MCM3AP: variants seen among roughly 807,000 people sequenced by gnomAD.
MCM3AP encodes minichromosome maintenance complex component 3 associated protein.
Under a neutral mutation model 184.1 loss-of-function variants are expected in MCM3AP, and 126 were observed. The ratio of observed to expected loss-of-function variants is 0.68; its 90% CI spans 0.59 to 0.79. The LOEUF (loss-of-function observed/expected upper bound fraction) is 0.79, where lower values mean the gene tolerates loss of function less well. Among genes scored for constraint, MCM3AP ranks in the 30% least tolerant of loss-of-function variants. The pLI is 0.00. For synonymous variants in MCM3AP, 1,002 were observed against 979.3 expected (o/e 1.02, Z -0.43); for missense variants, 2,496 against 2,479.2 (o/e 1.01, Z -0.14).
rs1248061697 is a variant in MCM3AP at position 46,283,783 on chromosome 21, A to T, written c.1275T>A (p.Ser425Arg). ...RQSNRSESTD[S>R]LGGLSPSEVT... is the part of the protein sequence containing the mutation. ...CTTCAGAGGGAGACAAGCCCCCAAGACTGTCTGTGCTCTCGCTTCTGTTAC... is the reference window on the plus strand; with the variant it reads ...CTTCAGAGGGAGACAAGCCCCCAAGTCTGTCTGTGCTCTCGCTTCTGTTAC... The change falls in exon 2 of 28, where the codon AGT becomes AGA. Residue 425 changes from serine to arginine, a missense_variant. Around this residue, in one of 5 missense-constraint regions of MCM3AP, gnomAD observed 800 missense variants for 717.1 expected, o/e 1.12. Coordinates refer to ENST00000291688, the MANE Select transcript of MCM3AP (RefSeq NM_003906.5). The T allele has an allele frequency of 6.2e-7, 1 of 1,614,066 alleles. No homozygotes were observed. Among genetic ancestry groups the T allele is most frequent in the South Asian group, 1.1e-5 (1 of 91,080 alleles).
chr21:46,242,831 C>T lies in MCM3AP; in HGVS notation c.5397G>A (p.Thr1799=), dbSNP rs758620669. The T allele has an allele frequency of 8.1e-6, 13 of 1,612,054 alleles. No individual in the cohort carries two copies. The highest frequency in any genetic ancestry group is 3.3e-5 in the South Asian group (3 of 90,496). Reference sequence around the variant, plus strand: ...CCTCTCTCAGCTGTAGCTCCTTCTGCGTCTGCAACCTGGCTTGTTCCCACG... The same window carrying T: ...CCTCTCTCAGCTGTAGCTCCTTCTGTGTCTGCAACCTGGCTTGTTCCCACG... ...PLSWEQARLQ[T]QKELQLREGR... Residue 1799 remains threonine, a synonymous_variant, in exon 25 of 28, where the codon ACG becomes ACA. Coordinates refer to ENST00000291688, the MANE Select transcript of MCM3AP (RefSeq NM_003906.5).
At chr21:46,264,882 G>C (rs2081089400) in intron 12 of MCM3AP, among the ~76,000 whole-genome samples, 1 of 150,394 alleles carries the variant, frequency 6.6e-6, no homozygotes, top group South Asian at 2.1e-4. Context: ...CCAACCCCAG[G>C]ACATGCCCTT....
At chr21:46,260,135 T>C (rs949249515) in intron 15 of MCM3AP, among the ~76,000 whole-genome samples, 1 of 149,208 alleles carries the variant, frequency 6.7e-6, no homozygotes, top group African/African-American at 2.5e-5. Context: ...CTATCTTCAT[T>C]GTAAAAGAAG....
Position 46,251,498 on chromosome 21 carries a change from C to T in MCM3AP, c.4290+31G>A, listed in dbSNP as rs368079375. 1.9e-5 allele frequency: 29 copies of T among 1,555,066 alleles called. No homozygotes were observed. The East Asian group carries it at 3.4e-4, about 18-fold the overall frequency. ...GGAGTAAGTGAAAGTAATGAAAACACAGAAGTAAACACAAAGTAATTATAG... is the reference window on the plus strand; with the variant it reads ...GGAGTAAGTGAAAGTAATGAAAACATAGAAGTAAACACAAAGTAATTATAG... On this transcript the variant is annotated intron_variant, in intron 20 of 27. Coordinates refer to ENST00000291688, the MANE Select transcript of MCM3AP (RefSeq NM_003906.5).
At chr21:46,267,328 G>C in intron 9 of MCM3AP, 186 bp from the exon 10 acceptor site, 1 of 592,652 alleles carries the variant, frequency 1.7e-6, no homozygotes, top group East Asian at 2.8e-5. Context: ...CTCAGGGGCA[G>C]TGCTCAGGAA....
At chr21:46,247,123 C>CA in intron 20 of MCM3AP, 3 of 378,316 alleles carry the variant, frequency 7.9e-6, no homozygotes, top group Non-Finnish European at 9.6e-6. Flanking sequence ...TCCCCTCAAC[C>CA]TTTTTTTTTT....
chr21:46,283,566 T>G (rs1601551010), intron 2 of MCM3AP, 49 bp downstream of exon 2: 1 of 1,334,292 alleles, frequency 7.5e-7, no homozygotes. Flanking sequence ...GGTTTTAAAG[T>G]GACAAGGTTC....
At chr21:46,283,955 G>C in intron 1 of MCM3AP, 113 bp downstream of exon 1, 13 of 1,539,116 alleles carry the variant, frequency 8.4e-6, no homozygotes, top group Non-Finnish European at 1.1e-5. Context: ...TGACATGTTA[G>C]AATCCCTAAT....
At chr21:46,240,521 T>G (rs1654374850) in intron 26 of MCM3AP, among the ~76,000 whole-genome samples, 1 of 152,144 alleles carries the variant, frequency 6.6e-6, no homozygotes, top group Admixed American at 6.5e-5. Flanking sequence ...GCACTCACCA[T>G]CTTCTGAGCA....
intron 17 of MCM3AP, 36 bp from the exon 18 acceptor site, chr21:46,254,880 G>A (rs749396546): frequency 4.6e-6 from 7 of 1,524,808 alleles, no homozygotes; most frequent in Middle Eastern, 1.7e-4. Context: ...GTCCCCGCAG[G>A]AGCTTAGTGA....
rs749722988 is a variant in MCM3AP, at chr21:46,284,468, C to A, written c.819G>T (p.Gly273=). The change falls in exon 1 of 28, where the codon GGG becomes GGT. Residue 273 remains glycine, a synonymous_variant. Transcript: ENST00000291688. ...FQASKAGVRQ[G]CEEAVSQVEP... Reference sequence around the variant, plus strand: ...CCACCTGGGAAACAGCTTCTTCACACCCCTGCCTGACACCTGCTTTGCTAG... The same window carrying A: ...CCACCTGGGAAACAGCTTCTTCACAACCCTGCCTGACACCTGCTTTGCTAG... 144 of 1,614,062 alleles carry A rather than the reference C, an allele frequency of 8.9e-5. No homozygotes were observed. The highest frequency in any genetic ancestry group is 1.1e-4 in the Non-Finnish European group (133 of 1,180,046).
chr21:46,235,459 G>C, intron 27 of MCM3AP, 33 bp from the exon 28 acceptor site: 2 of 1,601,416 alleles, frequency 1.2e-6, no homozygotes, highest in Non-Finnish European at 1.7e-6. Flanking sequence ...GAACAGTTTT[G>C]GGATGTCAAT....
At chr21:46,259,153 T>A in intron 15 of MCM3AP, 62 bp from the exon 16 acceptor site, 1 of 1,533,334 alleles carries the variant, frequency 6.5e-7, no homozygotes, top group Non-Finnish European at 8.8e-7. Flanking sequence ...ACTGAGGGCT[T>A]GCTTGAAAAG....
At chr21:46,271,658 G>A (rs1218934257) in intron 8 of MCM3AP, among the ~76,000 whole-genome samples, 4 of 151,692 alleles carry the variant, frequency 2.6e-5, no homozygotes, top group African/African-American at 7.3e-5. Flanking sequence ...CAGGAGTTCC[G>A]GACAAGCCTG....
rs761589648 is a variant in MCM3AP, at chr21:46,275,322, C to T, written c.1862G>A (p.Arg621Gln). ...DQRDRIMRQARVKRTDLDKAR... is the reference protein window; with the variant it reads ...DQRDRIMRQAQVKRTDLDKAR... ...TTTGTCCAGATCGGTTCTCTTCACC[C>T]GAGCTAAATGACGTCAAGTAAAAGG... The change falls in exon 6 of 28, where the codon CGG becomes CAG. Residue 621 changes from arginine (R) to glutamine (Q), a missense_variant. This residue lies in a region of MCM3AP where 130 missense variants were observed against 199.8 expected (regional missense o/e 0.65). Transcript: ENST00000291688. 2.5e-6 allele frequency: 4 copies of T among 1,611,590 alleles called. No individual in the cohort carries two copies. Among genetic ancestry groups the T allele is most frequent in the African/African-American group, 1.3e-5 (1 of 74,758 alleles).
In MCM3AP at chr21:46,267,044, C is replaced by T. The variant is rs113269790; in HGVS notation, c.2727G>A (p.Leu909=). 1.9e-6 allele frequency: 3 copies of T among 1,614,086 alleles called. No homozygotes were observed. Among genetic ancestry groups the T allele is most frequent in the Admixed American group, 1.7e-5 (1 of 60,002 alleles). Residue 909 remains leucine (L), a synonymous_variant, in exon 10 of 28, where the codon CTG becomes CTA. Transcript: ENST00000291688. The part of the protein sequence containing the change: ...FPLDGVVRML[L]FRDCEEATDF... ...CGGTGGCCTCTTCACAGTCTCTGAA[C>T]AGCAGCATGCGCACCACACCATCCA...
rs751626674 is a variant in MCM3AP at position 46,284,992 on chromosome 21, GCCCAGAGGTAGCC to G, written c.282_294del (p.Ala95LeufsTer36). 1 of 1,614,172 alleles carries G rather than the reference GCCCAGAGGTAGCC, an allele frequency of 6.2e-7. No homozygotes were observed. Among genetic ancestry groups the G allele is most frequent in the Non-Finnish European group, 8.5e-7 (1 of 1,180,036 alleles). On this transcript the variant is annotated frameshift_variant, in exon 1 of 28. Transcript: ENST00000291688. LOFTEE classifies it high-confidence loss of function. ...TTTCCCAGCACAGATGAACTTGAAG[GCCCAGAGGTAGCC>G]ACAAAGGTGGAAGTGTGCTCAAGTC...
rs2081273079 is a variant in MCM3AP at position 46,277,671 on chromosome 21, C to T, written c.1714G>A (p.Gly572Arg). The T allele has an allele frequency of 6.2e-7, 1 of 1,605,858 alleles. No homozygotes were observed. Among genetic ancestry groups the T allele is most frequent in the Non-Finnish European group, 8.5e-7 (1 of 1,176,042 alleles). Residue 572 changes from glycine to arginine, a missense_variant, in exon 5 of 28, where the codon GGA becomes AGA. Gly to Arg is a moderately radical substitution (Grantham distance 125, BLOSUM62 -2). Around this residue, in one of 5 missense-constraint regions of MCM3AP, gnomAD observed 800 missense variants for 717.1 expected, o/e 1.12. Transcript: ENST00000291688. ...PSLLKAHQFE[G>R]DSFDSASEGS... Reference sequence around the variant, plus strand: ...TCGGAGGCTGAGTCAAAAGAGTCTCCCTCGAATTGGTGGGCCTTTAGAAGA... The same window carrying T: ...TCGGAGGCTGAGTCAAAAGAGTCTCTCTCGAATTGGTGGGCCTTTAGAAGA...
rs1406878169 is a variant in MCM3AP, at chr21:46,258,998, G to T, written c.3675C>A (p.Ile1225=). The change falls in exon 16 of 28, where the codon ATC becomes ATA. Residue 1225 remains isoleucine, a synonymous_variant. Transcript: ENST00000291688. ...GGAGGGTCTCCTTTGCAGTCTGGAA[G>T]ATTTCCTCCACGAGAAACAAGTCCA... ...HLVDLFLVEE[I]FQTAKETLQE... is the part of the protein sequence containing the mutation. 6.2e-7 allele frequency: 1 copy of T among 1,614,104 alleles called. No individual in the cohort carries two copies. The highest frequency in any genetic ancestry group is 1.1e-5 in the South Asian group (1 of 91,080).
Sources: allele counts gnomAD v4.1 joint callset (sites outside exome capture counted in the v4.1 genomes callset), GRCh38; gene constraint gnomAD v4.1.1; regional missense constraint gnomAD v4.1.1; transcripts MANE v1.5; gene names NCBI Gene and HGNC (gene_info 2026-07-23, HGNC 2026-07-21).